The following ZNF680 variants were observed in gnomAD, a reference collection of about 807,000 sequenced individuals.
ZNF680 encodes the protein hypothetical protein FLJ90430.
A neutral mutation model predicts 12.1 loss-of-function variants in ZNF680; 6 were observed. The observed-to-expected ratio is 0.49, with a 90% CI of 0.27 to 0.98. ZNF680 has a LOEUF of 0.98. ZNF680 is among the 50% of genes least tolerant of loss of function. The pLI is 0.12. For missense variants in ZNF680, 561 were observed against 616.3 expected (o/e 0.91, Z 0.95); for synonymous variants, 170 against 199.3 (o/e 0.85, Z 1.24).
At chr7:64,529,759 C>T (rs1785766901) in intron 3 of ZNF680, among the ~76,000 whole-genome samples, 1 of 152,108 alleles carries the variant, frequency 6.6e-6, no homozygotes, top group Non-Finnish European at 1.5e-5. Flanking sequence ...CTCAGCCTTA[C>T]TAGAGACCTA....
At chr7:64,554,719 G>C (rs1359615514) in intron 1 of ZNF680, among the ~76,000 whole-genome samples, 1 of 152,140 alleles carries the variant, frequency 6.6e-6, no homozygotes, top group Non-Finnish European at 1.5e-5. Context: ...AACATGTGCT[G>C]TGTCCACTAA....
At position 64,543,705 on chromosome 7, in the gene ZNF680, A is replaced by T. The variant is rs1342278494; in HGVS notation, c.253+2T>A. Reference sequence around the variant, plus strand: ...GTTGTATTCACTATCACTCTCACCTACCTGGGGGTTTGGCTACCATCTCCT... The same window carrying T: ...GTTGTATTCACTATCACTCTCACCTTCCTGGGGGTTTGGCTACCATCTCCT... On this transcript the variant is annotated splice_donor_variant, in intron 3 of 3. Transcript: ENST00000309683. LOFTEE classifies it high-confidence loss of function. 1 of 1,612,300 alleles carries T rather than the reference A, an allele frequency of 6.2e-7. No individual in the cohort carries two copies. The highest frequency in any genetic ancestry group is 1.1e-5 in the South Asian group (1 of 90,980).
intron 3 of ZNF680, among the ~76,000 whole-genome samples, chr7:64,527,102 G>A (rs1374881013): frequency 6.6e-6 from 1 of 152,156 alleles, no homozygotes. Context: ...ACTGGGTGTG[G>A]TGGCAGGTGC....
intron 1 of ZNF680, among the ~76,000 whole-genome samples, chr7:64,547,304 C>T (rs552166168): frequency 2.6e-5 from 4 of 152,312 alleles, no homozygotes; most frequent in African/African-American, 9.6e-5. Context: ...CCCTTAAACT[C>T]AGCACTCTTG....
At chr7:64,515,075 G>C (rs1010805408), downstream of ZNF680, among the ~76,000 whole-genome samples, 121 of 131,780 alleles carry the variant, frequency 9.2e-4, 1 homozygote, top group African/African-American at 3.2e-3. Flanking sequence ...CACACACACA[G>C]ACACACCCAC....
chr7:64,547,232 G>T (rs1786833636), intron 1 of ZNF680, among the ~76,000 whole-genome samples: 1 of 152,180 alleles, frequency 6.6e-6, no homozygotes, highest in Admixed American at 6.5e-5. Context: ...TGTCAATGCT[G>T]ATGTTGCTCT....
In ZNF680 at chr7:64,521,175, A is replaced by C. The variant is rs770651429; in HGVS notation, c.1579T>G (p.Phe527Val). The C allele has an allele frequency of 6.2e-7, 1 of 1,607,454 alleles. No homozygotes were observed. The highest frequency in any genetic ancestry group is 8.5e-7 in the Non-Finnish European group (1 of 1,177,436). ...LYKPEKCDNN[F>V]DNT Reference sequence around the variant, plus strand: ...TTAGAAAAGTTTTAGGTGTTATCAAAATTATTGTCACATTTTTCAGGTTTG... The same window carrying C: ...TTAGAAAAGTTTTAGGTGTTATCAACATTATTGTCACATTTTTCAGGTTTG... The change falls in exon 4 of 4, where the codon TTT becomes GTT. Residue 527 changes from phenylalanine (F) to valine (V), a missense_variant. Coordinates refer to ENST00000309683, the MANE Select transcript of ZNF680 (RefSeq NM_178558.5).
At chr7:64,510,738 G>A in the ZNF680 span, among the ~76,000 whole-genome samples, 158 of 125,978 alleles carry the variant, frequency 1.3e-3, 2 homozygotes, top group Middle Eastern at 0.014. Context: ...GTGAAACCCC[G>A]TCTCTACTAA....
the ZNF680 span, among the ~76,000 whole-genome samples, chr7:64,513,567 T>C: frequency 7.9e-5 from 12 of 152,138 alleles, no homozygotes; most frequent in East Asian, 3.9e-4. Context: ...TTGAAGAAAA[T>C]TGTTTATAAG....
chr7:64,559,204 C>G (rs1291750208), intron 1 of ZNF680, among the ~76,000 whole-genome samples: 3 of 152,160 alleles, frequency 2.0e-5, no homozygotes, highest in Non-Finnish European at 2.9e-5. Context: ...CAGTTCCCAG[C>G]TTTACTTTTG....
chr7:64,519,601 T>C (rs981457815), downstream of ZNF680, among the ~76,000 whole-genome samples: 19 of 151,900 alleles, frequency 1.3e-4, no homozygotes, highest in Admixed American at 7.9e-4. Context: ...TAAAGCTTTA[T>C]AGTATAGTTT....
chr7:64,510,858 C>T, the ZNF680 span, among the ~76,000 whole-genome samples: 2 of 87,600 alleles, frequency 2.3e-5, no homozygotes, highest in African/African-American at 4.6e-5. Context: ...TGCAGTGAGC[C>T]GAGATCCCGC....
In ZNF680 at chr7:64,543,756, T is replaced by C; in HGVS notation, c.204A>G (p.Gly68=). The change falls in exon 3 of 4, where the codon GGA becomes GGG. Residue 68 remains glycine (G), a synonymous_variant. Transcript: ENST00000309683. Reference sequence around the variant, plus strand: ...GTCTCTTCCTATTCCAGGGCTCTTTTCCTTGCTCCAAACAGGTTATCAGGT... The same window carrying C: ...GTCTCTTCCTATTCCAGGGCTCTTTCCCTTGCTCCAAACAGGTTATCAGGT... ...KPHLITCLEQ[G]KEPWNRKRQE... 1 of 1,613,784 alleles carries C rather than the reference T, an allele frequency of 6.2e-7. No homozygotes were observed. Among genetic ancestry groups the C allele is most frequent in the African/African-American group, 1.3e-5 (1 of 75,036 alleles).
At chr7:64,505,609 GATCA>G in the ZNF680 span, among the ~76,000 whole-genome samples, 2 of 152,250 alleles carry the variant, frequency 1.3e-5, no homozygotes, top group African/African-American at 4.8e-5. Context: ...TCCAGAGGCT[GATCA>G]TTCACTACGG....
At position 64,522,367 on chromosome 7, in the gene ZNF680, C is replaced by G; in HGVS notation, c.387G>C (p.Val129=). ...NLQLRISCKS[V]DESKVFKEGY... The stretch of plus-strand genomic sequence containing the variant: ...CTTCTTTGAACACCTTAGACTCATC[C>G]ACACTTTTACAACTTATTCTTAATT... The change falls in exon 4 of 4, where the codon GTG becomes GTC. Residue 129 remains valine, a synonymous_variant. Coordinates refer to ENST00000309683, the MANE Select transcript of ZNF680 (RefSeq NM_178558.5). The G allele has an allele frequency of 6.2e-7, 1 of 1,612,638 alleles. No individual in the cohort carries two copies.
At chr7:64,512,313 C>T in the ZNF680 span, among the ~76,000 whole-genome samples, 2 of 151,302 alleles carry the variant, frequency 1.3e-5, no homozygotes, top group African/African-American at 2.4e-5. Flanking sequence ...ATTAGCTGGG[C>T]TTGGTGGCGT....
intron 3 of ZNF680, among the ~76,000 whole-genome samples, chr7:64,542,822 T>C (rs1236885741): frequency 1.3e-5 from 2 of 152,084 alleles, no homozygotes; most frequent in African/African-American, 4.8e-5. Flanking sequence ...CCTCAGCCTT[T>C]TGGGTAGCTG....
At chr7:64,536,047 A>G (rs1399970073) in intron 3 of ZNF680, among the ~76,000 whole-genome samples, 2 of 152,224 alleles carry the variant, frequency 1.3e-5, no homozygotes, top group Non-Finnish European at 2.9e-5. Flanking sequence ...CCAGGAATCT[A>G]TAACTATCAT....
intron 1 of ZNF680, among the ~76,000 whole-genome samples, chr7:64,555,109 T>G (rs1440218303): frequency 6.6e-6 from 1 of 152,200 alleles, no homozygotes; most frequent in Non-Finnish European, 1.5e-5. Flanking sequence ...ACAGACCCTG[T>G]TAGATTATTA....
Sources: allele counts gnomAD v4.1 joint callset (sites outside exome capture counted in the v4.1 genomes callset), GRCh38; gene constraint gnomAD v4.1.1; transcripts MANE v1.5; gene names NCBI Gene and HGNC (gene_info 2026-07-23, HGNC 2026-07-21).